Variants in PCDHA7 observed in about 807,000 individuals in gnomAD.
The protein encoded by PCDHA7 is protocadherin alpha 7.
A neutral mutation model predicts 57.2 loss-of-function variants in PCDHA7; 37 were observed. The observed-to-expected ratio is 0.65, with a 90% CI of 0.50 to 0.85. The LOEUF is 0.85. Ranked by LOEUF, PCDHA7 falls within the 40% of genes least tolerant of loss-of-function variation. The pLI is 0.00. For missense variants in PCDHA7, 1,188 were observed against 1,241.8 expected, an observed-to-expected ratio of 0.96 and a Z score of 0.65; for synonymous variants, 553 against 558.8, an observed-to-expected ratio of 0.99 and a Z score of 0.15.
rs1255699815 is a variant in PCDHA7, at chr5:140,984,173, C to T, written c.2503+1610C>T. On this transcript the variant is annotated intron_variant, in intron 3 of 3. Transcript: ENST00000525929. The stretch of plus-strand genomic sequence containing the variant: ...AGGTGAGAACTTCCCAAAGAAGCCA[C>T]GTGAAATCATGACTTTCTACCTTGC... Among the ~76,000 whole-genome samples, 5 of 152,166 alleles carry T rather than the reference C, an allele frequency of 3.3e-5. No individual in the cohort carries two copies. The South Asian group carries it at 6.2e-4, about 19-fold the overall frequency.
At chr5:140,998,853 T>G (rs575455675) in intron 3 of PCDHA7, among the ~76,000 whole-genome samples, 1 of 152,346 alleles carries the variant, frequency 6.6e-6, no homozygotes, top group South Asian at 2.1e-4. Flanking sequence ...GTGAGCCACA[T>G]GCCTGGCCTT....
At chr5:140,886,201 T>C (rs1224274096) in intron 1 of PCDHA7, among the ~76,000 whole-genome samples, 2 of 152,140 alleles carry the variant, frequency 1.3e-5, no homozygotes, top group African/African-American at 2.4e-5. Flanking sequence ...AGTAATCTGT[T>C]CTCCATTTCT....
intron 3 of PCDHA7, among the ~76,000 whole-genome samples, chr5:141,007,506 T>A (rs1370245633): frequency 6.6e-6 from 1 of 151,948 alleles, no homozygotes; most frequent in Non-Finnish European, 1.5e-5. Flanking sequence ...AGGCAGAGAC[T>A]GCAGTGAGCT....
chr5:140,869,587 A>G (rs1581901588), intron 1 of PCDHA7: 1 of 1,614,158 alleles, frequency 6.2e-7, no homozygotes, highest in African/African-American at 1.3e-5. Flanking sequence ...TGATGCTGAC[A>G]TTGAAGAGAA....
Position 140,850,613 on chromosome 5 carries a change from G to A in PCDHA7, c.2355+13875G>A. 4.4e-6 allele frequency: 7 copies of A among 1,598,580 alleles called. 1 individual carries two copies. The highest frequency in any genetic ancestry group is 6.0e-6 in the Non-Finnish European group (7 of 1,167,886). ...TGTACCTGATCATCGCCATCTGCGC[G>A]GTGTCTAGCCTGTTGGTTCTCACGC... On this transcript the variant is annotated intron_variant, in intron 1 of 3. Coordinates refer to ENST00000525929, the MANE Select transcript of PCDHA7 (RefSeq NM_018910.3).
intron 1 of PCDHA7, among the ~76,000 whole-genome samples, chr5:140,904,135 G>A (rs1310606905): frequency 6.6e-5 from 10 of 151,986 alleles, no homozygotes; most frequent in Non-Finnish European, 1.0e-4. Context: ...CCCATCACCC[G>A]AGCAGTATAC....
intron 1 of PCDHA7, among the ~76,000 whole-genome samples, chr5:140,961,327 AGAGACCAAGAGTG>A (rs1375426442): frequency 6.6e-6 from 1 of 152,206 alleles, no homozygotes. Context: ...CTGTTTCTTG[AGAGACCAAGAGTG>A]GATCCCTGTA....
intron 1 of PCDHA7, among the ~76,000 whole-genome samples, chr5:140,905,243 T>C (rs962108553): frequency 7.2e-5 from 11 of 152,184 alleles, no homozygotes; most frequent in Non-Finnish European, 1.5e-4. Context: ...CCAGTTTCAT[T>C]CTTCCACATG....
intron 1 of PCDHA7, chr5:140,967,546 C>T (rs199955615): frequency 6.8e-6 from 11 of 1,613,824 alleles, no homozygotes; most frequent in Non-Finnish European, 8.5e-6. Context: ...TTGACCAGTC[C>T]ACTTATCGCG....
rs1563652468 is a variant in PCDHA7, at chr5:141,000,419, A to ATTT, written c.2504-9207_2504-9206insTTT. 1.8e-3 allele frequency among the ~76,000 whole-genome samples: 107 copies of ATTT among 60,980 alleles called. 1 individual carries two copies. The highest frequency in any genetic ancestry group is 3.1e-3 in the African/African-American group (41 of 13,160). 40.0% of individuals were successfully genotyped at this position (60,980 alleles called of 152,430 possible). ...TCTATATATATATATATATATATAT[A>ATTT]TATTTTTTTTTTTTTTTTTTTTTTT... On this transcript the variant is annotated intron_variant, in intron 3 of 3. Transcript: ENST00000525929.
At chr5:141,006,353 A>G (rs2098269096) in intron 3 of PCDHA7, among the ~76,000 whole-genome samples, 1 of 151,784 alleles carries the variant, frequency 6.6e-6, no homozygotes, top group Admixed American at 6.6e-5. Flanking sequence ...CTGGGACTAT[A>G]GGCGCCCACC....
chr5:140,925,596 T>G (rs1218423622), intron 1 of PCDHA7, among the ~76,000 whole-genome samples: 1 of 151,466 alleles, frequency 6.6e-6, no homozygotes, highest in Admixed American at 6.6e-5. Context: ...TGTATACATA[T>G]GTAACAAACC....
At chr5:140,924,105 C>A (rs140580566) in intron 1 of PCDHA7, among the ~76,000 whole-genome samples, 5 of 152,144 alleles carry the variant, frequency 3.3e-5, no homozygotes, top group Admixed American at 2.6e-4. Flanking sequence ...ATTTTCATTC[C>A]AAAGCAGTTA....
In PCDHA7 at chr5:140,853,642, T is replaced by C. The variant is rs112112795; in HGVS notation, c.2355+16904T>C. 87 of 988,768 alleles carry C rather than the reference T, an allele frequency of 8.8e-5. 2 individuals carry two copies. Among genetic ancestry groups the C allele is most frequent in the Middle Eastern group, 1.1e-3 (2 of 1,882 alleles). 61.2% of individuals were successfully genotyped at this position (988,768 alleles called of 1,614,324 possible). A position where few individuals can be genotyped will look rare whatever the true frequency, so the allele number is the denominator to read the frequency against. ...AAGTATACAAGATCACAGACCTAAA[T>C]TGAGCCTGTTCCAGACAAATTGGGG... On this transcript the variant is annotated intron_variant, in intron 1 of 3. Coordinates refer to ENST00000525929, the MANE Select transcript of PCDHA7 (RefSeq NM_018910.3).
At chr5:140,841,949 T>A in intron 1 of PCDHA7, 2 of 1,613,920 alleles carry the variant, frequency 1.2e-6, no homozygotes, top group Non-Finnish European at 1.7e-6. Context: ...TGCGCACCAC[T>A]TATTCCTGAC....
intron 1 of PCDHA7, among the ~76,000 whole-genome samples, chr5:140,935,749 A>G (rs1245640487): frequency 6.6e-6 from 1 of 152,172 alleles, no homozygotes; most frequent in African/African-American, 2.4e-5. Flanking sequence ...ATTCCATACA[A>G]TACACATTCT....
At chr5:140,850,761 C>A in intron 1 of PCDHA7, 1 of 1,598,004 alleles carries the variant, frequency 6.3e-7, no homozygotes, top group East Asian at 2.2e-5. Flanking sequence ...GCAGAGGAGG[C>A]AGAGGGTGTG....
intron 3 of PCDHA7, among the ~76,000 whole-genome samples, chr5:140,996,592 C>T (rs2097733979): frequency 6.7e-6 from 1 of 149,052 alleles, no homozygotes; most frequent in African/African-American, 2.4e-5. Context: ...AGGGCCGCCT[C>T]CCCCCATTTT....
At chr5:140,871,305 G>T in intron 1 of PCDHA7, 14 of 1,613,992 alleles carry the variant, frequency 8.7e-6, no homozygotes, top group Non-Finnish European at 1.1e-5. Context: ...GCGCGCCGGG[G>T]AAGCCCACGC....
Sources: gnomAD v4.1 joint callset for allele counts (sites outside exome capture counted in the v4.1 genomes callset) on GRCh38, gnomAD v4.1.1 for gene constraint, MANE v1.5 for transcripts, NCBI Gene and HGNC (gene_info 2026-07-23, HGNC 2026-07-21) for gene names.